PDE1C: variants seen among roughly 807,000 people sequenced by gnomAD.
PDE1C encodes dual specificity calcium/calmodulin-dependent 3',5'-cyclic nucleotide phosphodiesterase 1C.
Under a neutral mutation model 93.1 loss-of-function variants are expected in PDE1C, and 62 were observed. That is an observed-to-expected ratio of 0.67 (90% confidence interval 0.54 to 0.82). The LOEUF (loss-of-function observed/expected upper bound fraction) is 0.82. PDE1C is among the 40% of genes least tolerant of loss of function. PDE1C has a pLI of 0.00. For synonymous variants in PDE1C, 325 were observed against 310.1 expected (o/e 1.05, Z -0.50); for missense variants, 742 against 884.6 (o/e 0.84, Z 2.04).
Position 32,259,136 on chromosome 7 carries a change from T to C in PDE1C, c.85+39515A>G, listed in dbSNP as rs146403221. 2.6e-3 allele frequency among the ~76,000 whole-genome samples: 391 copies of C among 152,300 alleles called. 3 individuals are homozygous for C. The highest frequency in any genetic ancestry group is 4.5e-3 in the Non-Finnish European group (307 of 68,024). On this transcript the variant is annotated intron_variant, in intron 1 of 18. Coordinates refer to the PDE1C transcript ENST00000396193. The stretch of plus-strand genomic sequence containing the variant: ...GGCATTTCACGTGGTGTATGTTTCC[T>C]AACTCCCTAGACCTACAAGAGATGG...
chr7:32,309,009 T>C (rs1199131578), intron 1 of PDE1C, among the ~76,000 whole-genome samples: 1 of 151,340 alleles, frequency 6.6e-6, no homozygotes, highest in Non-Finnish European at 1.5e-5. Context: ...GAAAAAAAAT[T>C]AGATGAATGG....
intron 2 of PDE1C, among the ~76,000 whole-genome samples, chr7:32,024,165 T>C (rs1170857062): frequency 1.3e-5 from 2 of 152,016 alleles, no homozygotes; most frequent in Non-Finnish European, 2.9e-5. Context: ...AGCTGAGTGA[T>C]AGTAAGGTCC....
At chr7:31,943,164 G>A (rs1433007913) in intron 2 of PDE1C, among the ~76,000 whole-genome samples, 1 of 152,180 alleles carries the variant, frequency 6.6e-6, no homozygotes, top group Admixed American at 6.5e-5. Context: ...AAACCTTTGA[G>A]CTTCAGGGTA....
intron 2 of PDE1C, among the ~76,000 whole-genome samples, chr7:31,972,382 GAGAA>G (rs113171533): frequency 3.3e-5 from 5 of 152,246 alleles, no homozygotes; most frequent in African/African-American, 1.2e-4. Flanking sequence ...CTTTCTCTCT[GAGAA>G]ATGTCAACCT....
chr7:31,902,813 T>G (rs993900857), intron 2 of PDE1C, among the ~76,000 whole-genome samples: 1 of 151,208 alleles, frequency 6.6e-6, no homozygotes, highest in Non-Finnish European at 1.5e-5. Context: ...TGATATACTA[T>G]TTATAATATC....
chr7:32,021,863 T>A (rs1788721799), intron 2 of PDE1C, among the ~76,000 whole-genome samples: 1 of 152,060 alleles, frequency 6.6e-6, no homozygotes, highest in South Asian at 2.1e-4. Context: ...TACATGCTCC[T>A]CTCTCAAGAA....
rs1178930537 is a variant in PDE1C at position 31,758,336 on chromosome 7, TTC to T, written c.1961-4785_1961-4784del. On this transcript the variant is annotated intron_variant, in intron 17 of 17. Coordinates refer to ENST00000396191, the MANE Select transcript of PDE1C (RefSeq NM_001191057.4). ...AAAAATTAAAAAAAAATTATGCTAC[TTC>T]TCTTTTTAAAATACTTATGAGGTAC... Among the ~76,000 whole-genome samples, 9 of 152,238 alleles carry T rather than the reference TTC, an allele frequency of 5.9e-5. No homozygotes were observed. The East Asian group carries it at 1.5e-3, about 26-fold the overall frequency.
chr7:32,071,782 A>G (rs1434251635), upstream of PDE1C, among the ~76,000 whole-genome samples: 3 of 152,132 alleles, frequency 2.0e-5, no homozygotes, highest in Admixed American at 1.3e-4. Context: ...TGAAGAGAGG[A>G]ACCAAAGACT....
chr7:31,850,847 G>A (rs1269856934), intron 7 of PDE1C, 106 bp from the exon 8 acceptor site: 3 of 783,096 alleles, frequency 3.8e-6, no homozygotes, highest in South Asian at 2.9e-5. Flanking sequence ...CAGCTGGTAA[G>A]CTATTGCCAA....
At chr7:32,248,411 C>T (rs748159401) in intron 1 of PDE1C, among the ~76,000 whole-genome samples, 17 of 152,094 alleles carry the variant, frequency 1.1e-4, no homozygotes, top group Non-Finnish European at 1.9e-4. Flanking sequence ...GGTTTATAAC[C>T]TAACAGGGGA....
intron 3 of PDE1C, among the ~76,000 whole-genome samples, chr7:32,151,962 G>T (rs1801287895): frequency 6.6e-6 from 1 of 152,138 alleles, no homozygotes; most frequent in Non-Finnish European, 1.5e-5. Flanking sequence ...TTCCTATGAT[G>T]ACATTTTTAT....
intron 2 of PDE1C, among the ~76,000 whole-genome samples, chr7:31,892,002 T>G (rs1421238086): frequency 6.6e-6 from 1 of 152,230 alleles, no homozygotes; most frequent in Non-Finnish European, 1.5e-5. Flanking sequence ...CTTACAATAA[T>G]GTGACTCTAC....
At chr7:32,418,038 T>A (rs779277018) in intron 1 of PDE1C, among the ~76,000 whole-genome samples, 1 of 152,202 alleles carries the variant, frequency 6.6e-6, no homozygotes, top group Non-Finnish European at 1.5e-5. Context: ...TGACCTAGGC[T>A]AAAATGCAGT....
intron 2 of PDE1C, among the ~76,000 whole-genome samples, chr7:32,020,128 T>C (rs894066950): frequency 1.3e-5 from 2 of 152,120 alleles, no homozygotes; most frequent in African/African-American, 2.4e-5. Flanking sequence ...GTCTCTCTTC[T>C]ACCTTCAGTG....
chr7:32,187,019 A>G (rs938482061), intron 2 of PDE1C, among the ~76,000 whole-genome samples: 1 of 152,202 alleles, frequency 6.6e-6, no homozygotes, highest in Non-Finnish European at 1.5e-5. Flanking sequence ...TAATTACCTG[A>G]AACATTCTTG....
chr7:31,755,424 C>A (rs1440092245), intron 17 of PDE1C, among the ~76,000 whole-genome samples: 1 of 152,142 alleles, frequency 6.6e-6, no homozygotes, highest in Admixed American at 6.5e-5. Flanking sequence ...GCAATAAGCA[C>A]ATCTACTGCC....
chr7:32,160,310 C>G (rs1801836259), intron 3 of PDE1C, among the ~76,000 whole-genome samples: 1 of 152,114 alleles, frequency 6.6e-6, no homozygotes, highest in Non-Finnish European at 1.5e-5. Flanking sequence ...CCCTAGTTCC[C>G]CTTAAAGTGG....
At chr7:32,408,589 G>A (rs1425932967) in intron 1 of PDE1C, among the ~76,000 whole-genome samples, 1 of 152,194 alleles carries the variant, frequency 6.6e-6, no homozygotes, top group Admixed American at 6.5e-5. Flanking sequence ...AGTAGTTCGA[G>A]ACCAGCCTAG....
At chr7:31,998,424 T>C (rs1329707119) in intron 2 of PDE1C, among the ~76,000 whole-genome samples, 1 of 152,234 alleles carries the variant, frequency 6.6e-6, no homozygotes. Context: ...TATGTATGAC[T>C]CTATGGTAGG....
Sources: gnomAD v4.1 joint callset for allele counts (sites outside exome capture counted in the v4.1 genomes callset) on GRCh38, gnomAD v4.1.1 for gene constraint, MANE v1.5 for transcripts, NCBI Gene and HGNC (gene_info 2026-07-23, HGNC 2026-07-21) for gene names.